The following EEIG2 variants were observed in gnomAD, a reference collection of about 807,000 sequenced individuals.
EEIG2 encodes EEIG family member 2.
At chr1:108,616,019 T>G in the EEIG2 span, among the ~76,000 whole-genome samples, 1 of 152,294 alleles carries the variant, frequency 6.6e-6, no homozygotes, top group Admixed American at 6.5e-5. Flanking sequence ...GCTATTTGTT[T>G]CCATTATTTC....
At chr1:108,627,438 C>T in the EEIG2 span, 1 of 152,144 alleles carries the variant, frequency 6.6e-6, no homozygotes, top group Non-Finnish European at 1.5e-5. Context: ...TGATTGTGCC[C>T]TAGGGAAAAT....
the EEIG2 span, among the ~76,000 whole-genome samples, chr1:108,606,883 G>C: frequency 6.6e-6 from 1 of 151,886 alleles, no homozygotes; most frequent in Non-Finnish European, 1.5e-5. Flanking sequence ...GGCTAGTCTT[G>C]AACTCCTGGC....
the EEIG2 span, among the ~76,000 whole-genome samples, chr1:108,630,371 A>G: frequency 6.6e-6 from 1 of 152,152 alleles, no homozygotes; most frequent in Non-Finnish European, 1.5e-5. Flanking sequence ...TGGGAATTGA[A>G]CAATGAGAAC....
At chr1:108,612,609 G>A in the EEIG2 span, among the ~76,000 whole-genome samples, 3 of 152,204 alleles carry the variant, frequency 2.0e-5, no homozygotes, top group Non-Finnish European at 2.9e-5. Context: ...TAAAATGTTT[G>A]TAGCTCCCAT....
At chr1:108,578,122 A>G in the EEIG2 span, among the ~76,000 whole-genome samples, 1 of 133,282 alleles carries the variant, frequency 7.5e-6, no homozygotes, top group African/African-American at 2.9e-5. Flanking sequence ...GTGTATAAGA[A>G]TGCTTGTGAT....
the EEIG2 span, chr1:108,636,111 C>G: frequency 6.6e-6 from 1 of 152,216 alleles, no homozygotes; most frequent in African/African-American, 2.4e-5. Context: ...CTGATGCAGA[C>G]TACTAGGTTT....
chr1:108,581,131 G>C, the EEIG2 span, among the ~76,000 whole-genome samples: 2 of 152,042 alleles, frequency 1.3e-5, no homozygotes, highest in Non-Finnish European at 2.9e-5. Context: ...TCTATAAATA[G>C]AAGAACAAAG....
the EEIG2 span, among the ~76,000 whole-genome samples, chr1:108,586,449 G>A: frequency 6.6e-6 from 1 of 151,900 alleles, no homozygotes; most frequent in Non-Finnish European, 1.5e-5. Flanking sequence ...TTTCATAAGA[G>A]GAAATTTATA....
At chr1:108,598,591 C>T in the EEIG2 span, among the ~76,000 whole-genome samples, 2 of 151,982 alleles carry the variant, frequency 1.3e-5, no homozygotes, top group Non-Finnish European at 2.9e-5. Context: ...TGTGAACCCA[C>T]ACATACATTC....
chr1:108,560,495 T>G, the EEIG2 span: 1 of 1,612,360 alleles, frequency 6.2e-7, no homozygotes, highest in Admixed American at 1.7e-5. Context: ...CTCAGTGCCC[T>G]TCGTCAATGG....
the EEIG2 span, among the ~76,000 whole-genome samples, chr1:108,603,700 TCAAAGA>T: frequency 6.6e-6 from 1 of 152,190 alleles, no homozygotes; most frequent in Admixed American, 6.6e-5. Flanking sequence ...TTTGGAAAGA[TCAAAGA>T]CAAACTTTTA....
chr1:108,628,117 C>T, the EEIG2 span: 1 of 1,482,570 alleles, frequency 6.7e-7, no homozygotes, highest in South Asian at 1.1e-5. Context: ...TACAAATTGA[C>T]CATTAACTTT....
the EEIG2 span, among the ~76,000 whole-genome samples, chr1:108,565,773 G>A: frequency 0.092 from 13,954 of 152,160 alleles, 746 homozygotes; most frequent in Middle Eastern, 0.12. Flanking sequence ...TCTTTCTTTT[G>A]GCCAGAGTAC....
At chr1:108,592,575 G>T in the EEIG2 span, among the ~76,000 whole-genome samples, 2 of 152,084 alleles carry the variant, frequency 1.3e-5, no homozygotes, top group Admixed American at 6.5e-5. Flanking sequence ...TTCGGATAGG[G>T]GCTTATTGCC....
chr1:108,622,569 T>C, the EEIG2 span, among the ~76,000 whole-genome samples: 1 of 152,156 alleles, frequency 6.6e-6, no homozygotes, highest in Non-Finnish European at 1.5e-5. Flanking sequence ...TGCAATGACA[T>C]TTACAGAGAG....
chr1:108,602,740 T>TATG, the EEIG2 span, among the ~76,000 whole-genome samples: 1 of 151,708 alleles, frequency 6.6e-6, no homozygotes, highest in Non-Finnish European at 1.5e-5. Context: ...ATTAGCCAGG[T>TATG]ATGGTGGCAC....
At chr1:108,567,143 T>C in the EEIG2 span, among the ~76,000 whole-genome samples, 1 of 152,126 alleles carries the variant, frequency 6.6e-6, no homozygotes, top group African/African-American at 2.4e-5. Context: ...TATTTTAATA[T>C]AGTTAAGTAA....
chr1:108,612,642 C>G, the EEIG2 span, among the ~76,000 whole-genome samples: 1 of 152,022 alleles, frequency 6.6e-6, no homozygotes, highest in Non-Finnish European at 1.5e-5. Context: ...AGAGCAGCTG[C>G]GATAGGTACA....
At chr1:108,600,518 T>C in the EEIG2 span, 13 of 1,593,924 alleles carry the variant, frequency 8.2e-6, no homozygotes, top group Admixed American at 1.7e-5. Flanking sequence ...CTTTTTAACA[T>C]GTCATCAATA....
Sources: gnomAD v4.1 joint callset for allele counts (sites outside exome capture counted in the v4.1 genomes callset) on GRCh38, gnomAD v4.1.1 for gene constraint, MANE v1.5 for transcripts, NCBI Gene and HGNC (gene_info 2026-07-23, HGNC 2026-07-21) for gene names.